DLC1: variants seen among roughly 807,000 people sequenced by gnomAD.
DLC1 encodes the protein DLC1 Rho GTPase activating protein.
DLC1 carries 54 observed loss-of-function variants against 140.3 expected under a neutral mutation model. The ratio of observed to expected loss-of-function variants is 0.38; its 90% CI spans 0.31 to 0.48. The LOEUF (loss-of-function observed/expected upper bound fraction) is 0.48, where lower values mean the gene tolerates loss of function less well. Among genes scored for constraint, DLC1 ranks in the 20% least tolerant of loss-of-function variants. The probability of loss-of-function intolerance (pLI) is 0.96; values close to 1 mark genes in which losing one functional copy is unlikely to be tolerated. For synonymous variants in DLC1, 986 were observed against 728.1 expected, an observed-to-expected ratio of 1.35 and a Z score of -5.70; for missense variants, 2,536 against 1,907.0, an observed-to-expected ratio of 1.33 and a Z score of -6.14.
Position 13,512,966 on chromosome 8 carries a change from CTTTT to C in DLC1, c.-126+1632_-126+1635del, listed in dbSNP as rs57239531. Among the ~76,000 whole-genome samples, 580 of 139,898 alleles carry C rather than the reference CTTTT, an allele frequency of 4.1e-3. 4 individuals are homozygous for C. The highest frequency in any genetic ancestry group is 6.8e-3 in the South Asian group (30 of 4,384). 91.8% of individuals were successfully genotyped at this position (139,898 alleles called of 152,430 possible). A position where few individuals can be genotyped will look rare whatever the true frequency, so the allele number is the denominator to read the frequency against. On this transcript the variant is annotated intron_variant, in intron 1 of 17. Transcript: ENST00000276297. ...TAATTAACATTGGTGACAGTTTTACCTTTTTTTTTTTTTTTTTTTAAATTAGAGG... is the reference window on the plus strand; with the variant it reads ...TAATTAACATTGGTGACAGTTTTACCTTTTTTTTTTTTTTTAAATTAGAGG...
chr8:13,587,632 C>A (rs889472741), intron 1 of DLC1, among the ~76,000 whole-genome samples: 5 of 138,428 alleles, frequency 3.6e-5, no homozygotes, highest in Admixed American at 1.5e-4. Flanking sequence ...TATACATTGC[C>A]TATATATATA....
At chr8:13,488,456 G>A (rs751029490) in intron 2 of DLC1, among the ~76,000 whole-genome samples, 5 of 152,132 alleles carry the variant, frequency 3.3e-5, no homozygotes, top group Admixed American at 6.5e-5. Context: ...TTTAAAATAT[G>A]GTGAGCCCTG....
At chr8:13,530,406 C>T (rs1044708773) in intron 1 of DLC1, among the ~76,000 whole-genome samples, 5 of 152,174 alleles carry the variant, frequency 3.3e-5, no homozygotes, top group African/African-American at 1.2e-4. Flanking sequence ...AGTTGCTTCT[C>T]TAAGAGGTGG....
chr8:13,091,520 G>GA (rs893895323), intron 13 of DLC1, 88 bp from the exon 14 acceptor site: 529 of 1,221,258 alleles, frequency 4.3e-4, no homozygotes, highest in African/African-American at 8.8e-4. Flanking sequence ...AAAGAAGAGA[G>GA]AAAAAAAAAT....
Position 13,120,370 on chromosome 8 carries a change from T to TATATATATATATATATAA in DLC1, c.1349-4714_1349-4713insTTATATATATATATATAT, listed in dbSNP as rs369581778. 4.8e-3 allele frequency among the ~76,000 whole-genome samples: 535 copies of TATATATATATATATATAA among 110,800 alleles called. 13 individuals carry two copies. Among genetic ancestry groups the TATATATATATATATATAA allele is most frequent in the Admixed American group, 0.03 (275 of 9,132 alleles). The allele number at this position is 110,800 out of a possible 152,430, so 72.7% of individuals were successfully genotyped here. A position where few individuals can be genotyped will look rare whatever the true frequency, so the allele number is the denominator to read the frequency against. ...AAAAAAAAAAAAATATATATATATA[T>TATATATATATATATATAA]AAAATGTATATTATGTAACAAATAC... On this transcript the variant is annotated intron_variant, in intron 5 of 17. Coordinates refer to ENST00000276297, the MANE Select transcript of DLC1 (RefSeq NM_182643.3).
chr8:13,292,451 T>C (rs1406949089), intron 5 of DLC1, among the ~76,000 whole-genome samples: 1 of 152,208 alleles, frequency 6.6e-6, no homozygotes, highest in Non-Finnish European at 1.5e-5. Flanking sequence ...TCGAAAATAT[T>C]ACAAAATAAT....
chr8:13,599,152 A>G (rs1476861670), intron 1 of DLC1, among the ~76,000 whole-genome samples: 5 of 151,906 alleles, frequency 3.3e-5, no homozygotes, highest in African/African-American at 9.7e-5. Flanking sequence ...AAGACACAGA[A>G]TAAAAATATA....
chr8:13,497,430 A>G (rs535595853), intron 2 of DLC1, among the ~76,000 whole-genome samples: 21 of 152,226 alleles, frequency 1.4e-4, no homozygotes, highest in Non-Finnish European at 2.8e-4. Flanking sequence ...TAAATATTCC[A>G]TCAGGCAATG....
Position 13,083,548 on chromosome 8 carries a change from T to A in DLC1, c.*2263A>T, listed in dbSNP as rs1282851603. The A allele has an allele frequency of 6.6e-6, 1 of 152,488 alleles. No homozygotes were observed. Among genetic ancestry groups the A allele is most frequent in the Non-Finnish European group, 1.5e-5 (1 of 68,048 alleles). 9.4% of individuals were successfully genotyped at this position (152,488 alleles called of 1,614,324 possible). On this transcript the variant is annotated 3_prime_UTR_variant, in exon 18 of 18. Transcript: ENST00000276297. ...ACCTCAGCAGAGTTCTTGAAAATGT[T>A]CATATCCTTCAAATTCTTCTCTTGT...
chr8:13,117,851 T>C (rs958726437), intron 5 of DLC1, among the ~76,000 whole-genome samples: 1 of 152,202 alleles, frequency 6.6e-6, no homozygotes, highest in Non-Finnish European at 1.5e-5. Flanking sequence ...CTAAGAGAAA[T>C]AGTTTCATGC....
chr8:13,524,666 T>A (rs994101133), intron 1 of DLC1, among the ~76,000 whole-genome samples: 4 of 152,084 alleles, frequency 2.6e-5, no homozygotes, highest in Non-Finnish European at 4.4e-5. Flanking sequence ...AGAAAGGCAT[T>A]GTTTTTGTAT....
intron 5 of DLC1, among the ~76,000 whole-genome samples, chr8:13,177,101 T>C (rs1483083225): frequency 1.3e-5 from 2 of 152,174 alleles, no homozygotes; most frequent in African/African-American, 4.8e-5. Context: ...CTCCCATAAT[T>C]TTTAAAATTT....
intron 5 of DLC1, chr8:13,133,326 G>GGGCCCTCCCGCTA: frequency 8.5e-7 from 1 of 1,182,806 alleles, no homozygotes; most frequent in Non-Finnish European, 1.0e-6. Flanking sequence ...CCCTCCCGCT[G>GGGCCCTCCCGCTA]GGCCCACCCC....
At chr8:13,455,710 G>C (rs970944707) in intron 2 of DLC1, among the ~76,000 whole-genome samples, 1 of 152,094 alleles carries the variant, frequency 6.6e-6, no homozygotes, top group Non-Finnish European at 1.5e-5. Flanking sequence ...CAGTCAAGTT[G>C]CATCTTATAA....
intron 5 of DLC1, among the ~76,000 whole-genome samples, chr8:13,255,535 G>A (rs1830185774): frequency 6.6e-6 from 1 of 152,082 alleles, no homozygotes; most frequent in African/African-American, 2.4e-5. Context: ...TGGAATGAAA[G>A]AAAAAAATAG....
chr8:13,370,967 T>A (rs1835700014), intron 4 of DLC1, among the ~76,000 whole-genome samples: 1 of 152,150 alleles, frequency 6.6e-6, no homozygotes, highest in Non-Finnish European at 1.5e-5. Flanking sequence ...GGCTCTGATG[T>A]GGGTGACGTA....
intron 1 of DLC1, among the ~76,000 whole-genome samples, chr8:13,594,531 A>T (rs1453304404): frequency 6.6e-6 from 1 of 152,110 alleles, no homozygotes; most frequent in Non-Finnish European, 1.5e-5. Flanking sequence ...TGGGCTTTGT[A>T]TCAGTTCTTC....
intron 5 of DLC1, among the ~76,000 whole-genome samples, chr8:13,291,201 G>A (rs111248295): frequency 0.05 from 7,607 of 152,250 alleles, 234 homozygotes; most frequent in South Asian, 0.12. Flanking sequence ...GAGCCACTGC[G>A]CCTGGCCATG....
In DLC1 at chr8:13,094,904, C is replaced by A. The variant is rs746504213; in HGVS notation, c.3381G>T (p.Gln1127His). The A allele has an allele frequency of 1.9e-6, 3 of 1,614,140 alleles. No homozygotes were observed. Among genetic ancestry groups the A allele is most frequent in the Middle Eastern group, 1.6e-4 (1 of 6,084 alleles). Residue 1127 changes from glutamine to histidine, a missense_variant, in exon 12 of 18, where the codon CAG (glutamine) becomes CAT (histidine). Physicochemically the swap from Gln to His is conservative, Grantham distance 24 (BLOSUM62 0). Transcript: ENST00000276297. ...CACAGTCTATGGCACCTTCATTCAT[C>A]TGGCGCAGAGCCTGAATCCGGGACT... is the stretch of plus-strand genomic sequence containing the variant. ...GVKSRIQALR[Q>H]MNEGAIDCVN...
Sources: allele counts gnomAD v4.1 joint callset (sites outside exome capture counted in the v4.1 genomes callset), GRCh38; gene constraint gnomAD v4.1.1; transcripts MANE v1.5; gene names NCBI Gene and HGNC (gene_info 2026-07-23, HGNC 2026-07-21).